Variants in COL4A4 observed in about 807,000 individuals in gnomAD.
COL4A4 encodes the protein collagen type IV alpha 4 chain.
COL4A4 carries 105 observed loss-of-function variants against 192.9 expected under a neutral mutation model. The observed-to-expected ratio is 0.54, with a 90% CI of 0.46 to 0.64. The LOEUF (loss-of-function observed/expected upper bound fraction) is 0.64. Among genes scored for constraint, COL4A4 ranks in the 30% least tolerant of loss-of-function variants. The pLI, the probability that COL4A4 is intolerant of heterozygous loss-of-function variation, is 0.00. For missense variants in COL4A4, 1,967 were observed against 2,169.3 expected (o/e 0.91, Z 1.85); for synonymous variants, 762 against 769.9 (o/e 0.99, Z 0.17).
At chr2:227,037,181 A>G (rs1255713920) in intron 37 of COL4A4, among the ~76,000 whole-genome samples, 1 of 152,052 alleles carries the variant, frequency 6.6e-6, no homozygotes, top group East Asian at 1.9e-4. Flanking sequence ...GGTTTGCTGC[A>G]CCCATCAACC....
chr2:227,098,911 A>G, intron 18 of COL4A4, 113 bp from the exon 19 acceptor site: 1 of 858,854 alleles, frequency 1.2e-6, no homozygotes, highest in Non-Finnish European at 1.9e-6. Context: ...ACATTTTTGC[A>G]GTTTCTCATT....
chr2:227,106,047 G>GA (rs11435858), intron 12 of COL4A4, among the ~76,000 whole-genome samples: 95,274 of 143,234 alleles, frequency 0.67, 31,165 homozygotes, highest in Middle Eastern at 0.74. Flanking sequence ...AGTTTAAATA[G>GA]AAAAAAAAAA....
intron 26 of COL4A4, among the ~76,000 whole-genome samples, chr2:227,061,344 G>A (rs1976996649): frequency 6.6e-6 from 1 of 152,212 alleles, no homozygotes. Flanking sequence ...GCTTGGTCAT[G>A]TGACTTGTTT....
chr2:227,065,072 T>G (rs907965219), intron 25 of COL4A4, among the ~76,000 whole-genome samples: 31 of 152,280 alleles, frequency 2.0e-4, no homozygotes, highest in African/African-American at 7.2e-4. Context: ...TTGCCTCACT[T>G]GGGAAGTGCA....
chr2:227,125,350 A>G (rs1359172863), intron 4 of COL4A4, among the ~76,000 whole-genome samples: 12 of 151,910 alleles, frequency 7.9e-5, no homozygotes, highest in Admixed American at 3.9e-4. Flanking sequence ...CTGGGACCAC[A>G]GGCGCGCGCC....
intron 25 of COL4A4, among the ~76,000 whole-genome samples, chr2:227,065,224 C>T (rs1452636178): frequency 6.6e-6 from 1 of 152,230 alleles, no homozygotes; most frequent in African/African-American, 2.4e-5. Context: ...CCGCACCTGG[C>T]TCGGAGGGTC....
chr2:227,059,069 C>T (rs1576201823), intron 28 of COL4A4, among the ~76,000 whole-genome samples: 1 of 152,214 alleles, frequency 6.6e-6, no homozygotes, highest in Non-Finnish European at 1.5e-5. Context: ...CTCTCACAAT[C>T]AGGCCTGCCT....
At chr2:227,072,207 C>T (rs917612356) in intron 25 of COL4A4, among the ~76,000 whole-genome samples, 8 of 151,606 alleles carry the variant, frequency 5.3e-5, no homozygotes, top group African/African-American at 1.5e-4. Context: ...CAATTAGAAC[C>T]GAAACTGGGG....
At position 227,007,046 on chromosome 2, in the gene COL4A4, A is replaced by G; in HGVS notation, c.*279T>C. On this transcript the variant is annotated 3_prime_UTR_variant, in exon 48 of 48. Transcript: ENST00000396625. ...CCTTTATCATCTACTTGCCTTTCTG[A>G]GAATTAGCATATTTTTAAGTAAAGC... 2.1e-6 allele frequency: 1 copy of G among 485,994 alleles called. No homozygotes were observed. Among genetic ancestry groups the G allele is most frequent in the Non-Finnish European group, 3.8e-6 (1 of 265,258 alleles). 30.1% of individuals were successfully genotyped at this position (485,994 alleles called of 1,614,324 possible).
At chr2:227,125,239 G>T (rs192981543) in intron 4 of COL4A4, among the ~76,000 whole-genome samples, 2 of 150,852 alleles carry the variant, frequency 1.3e-5, no homozygotes, top group East Asian at 3.9e-4. Flanking sequence ...ATGGAGTCTC[G>T]CTCTTTCTCC....
chr2:226,989,852 T>C, the COL4A4 span, among the ~76,000 whole-genome samples: 1 of 152,194 alleles, frequency 6.6e-6, no homozygotes, highest in African/African-American at 2.4e-5. Context: ...TATTTCACAA[T>C]GCAGGGTGCT....
chr2:227,007,831 T>C (rs912268355), intron 47 of COL4A4, among the ~76,000 whole-genome samples, 187 bp downstream of exon 47: 5 of 152,178 alleles, frequency 3.3e-5, no homozygotes, highest in African/African-American at 9.7e-5. Flanking sequence ...GTGATCAAAA[T>C]CAATCACAAG....
the COL4A4 span, chr2:226,995,633 G>T: frequency 2.3e-5 from 18 of 770,306 alleles, no homozygotes; most frequent in South Asian, 2.9e-4. Flanking sequence ...GAGTACACCG[G>T]TATTGCTCCA....
intron 25 of COL4A4, among the ~76,000 whole-genome samples, chr2:227,067,551 G>C (rs1424157401): frequency 6.6e-6 from 1 of 152,046 alleles, no homozygotes; most frequent in Non-Finnish European, 1.5e-5. Context: ...CTAGAACTCA[G>C]GATTAAGAAT....
chr2:226,972,691 T>TGATAG, the COL4A4 span, among the ~76,000 whole-genome samples: 1 of 152,210 alleles, frequency 6.6e-6, no homozygotes, highest in Non-Finnish European at 1.5e-5. Context: ...TAGACACCTA[T>TGATAG]GATAGTGACA....
At chr2:227,032,400 G>C in intron 38 of COL4A4, 124 bp from the exon 39 acceptor site, 1 of 1,048,536 alleles carries the variant, frequency 9.5e-7, no homozygotes, top group Non-Finnish European at 1.4e-6. Flanking sequence ...ACCAACAACT[G>C]GTTGCAGTGG....
the COL4A4 span, among the ~76,000 whole-genome samples, chr2:226,977,651 A>T: frequency 1.3e-5 from 2 of 152,324 alleles, no homozygotes; most frequent in East Asian, 3.9e-4. Context: ...ATCCGAGGTA[A>T]ATAAAAGTAA....
chr2:227,012,356 C>T (rs1158879964), intron 44 of COL4A4, 59 bp from the exon 45 acceptor site: 2 of 1,357,450 alleles, frequency 1.5e-6, no homozygotes, highest in Non-Finnish European at 2.1e-6. Context: ...CTAGCATTTA[C>T]CGTGCTTATA....
chr2:227,139,763 CAAGA>C (rs2063074341), intron 4 of COL4A4, among the ~76,000 whole-genome samples: 1 of 152,168 alleles, frequency 6.6e-6, no homozygotes, highest in Non-Finnish European at 1.5e-5. Flanking sequence ...AGCGACAATC[CAAGA>C]AAGAGTCCTG....
Sources: gnomAD v4.1 joint callset for allele counts (sites outside exome capture counted in the v4.1 genomes callset) on GRCh38, gnomAD v4.1.1 for gene constraint, MANE v1.5 for transcripts, NCBI Gene and HGNC (gene_info 2026-07-23, HGNC 2026-07-21) for gene names.